Variants in FAAP20 observed in about 807,000 individuals in gnomAD.
FAAP20 encodes Fanconi anemia core complex-associated protein 20.
Under a neutral mutation model 16.2 loss-of-function variants are expected in FAAP20, and 12 were observed. The observed-to-expected ratio is 0.74, with a 90% CI of 0.48 to 1.20. The LOEUF is 1.20. Ranked by LOEUF, FAAP20 falls within the 50% of genes most tolerant of loss-of-function variation. The pLI is 0.00. For synonymous variants in FAAP20, 141 were observed against 110.7 expected (o/e 1.27, Z -1.72); for missense variants, 288 against 245.8 (o/e 1.17, Z -1.15).
chr1:2,195,508 CA>C (rs1688775292), upstream of FAAP20, among the ~76,000 whole-genome samples: 1 of 152,272 alleles, frequency 6.6e-6, no homozygotes, highest in South Asian at 2.1e-4. Context: ...AGATCAGGGT[CA>C]GGGGCCCTCG....
At chr1:2,210,165 C>G (rs1188961167), downstream of FAAP20, among the ~76,000 whole-genome samples, 1 of 152,244 alleles carries the variant, frequency 6.6e-6, no homozygotes, top group African/African-American at 2.4e-5. Context: ...GCCTCGTGCC[C>G]AGACCTGCGA....
upstream of FAAP20, chr1:2,200,652 G>A: frequency 3.0e-6 from 3 of 986,444 alleles, 1 homozygote; most frequent in South Asian, 1.4e-4. Flanking sequence ...TTTCACAGCA[G>A]CCCCAGGAGA....
chr1:2,203,708 T>A (rs1689133997), upstream of FAAP20: 4 of 943,320 alleles, frequency 4.2e-6, no homozygotes, highest in Non-Finnish European at 5.1e-6. Flanking sequence ...CCCCTGTTCC[T>A]TGAGCGGTCC....
intron 3 of FAAP20, chr1:2,193,398 T>C: frequency 1.6e-6 from 1 of 615,832 alleles, no homozygotes; most frequent in Non-Finnish European, 2.7e-6. Flanking sequence ...CAGCCTTCCT[T>C]CTGTGCTGTT....
At chr1:2,205,387 CA>C (rs1340384967) in intron 3 of FAAP20, among the ~76,000 whole-genome samples, 1 of 148,568 alleles carries the variant, frequency 6.7e-6, no homozygotes. Flanking sequence ...CAGCCTGGGG[CA>C]GCCGTCCCCG....
chr1:2,190,591 T>C (rs1384424264), intron 3 of FAAP20: 4 of 363,550 alleles, frequency 1.1e-5, no homozygotes, highest in East Asian at 7.4e-5. Context: ...CTTCCGGCCA[T>C]GACTCCCGGA....
chr1:2,199,064 T>C (rs1289021681), upstream of FAAP20: 5 of 1,225,158 alleles, frequency 4.1e-6, no homozygotes, highest in East Asian at 2.3e-4. The surrounding 1 kb of genome is among the most constrained non-coding windows in gnomAD (Gnocchi z 4.5). Flanking sequence ...GGCGGGGTCA[T>C]GGCACAGGCC....
chr1:2,190,210 G>A (rs777164744), intron 3 of FAAP20: 1 of 462,576 alleles, frequency 2.2e-6, no homozygotes. Flanking sequence ...TGGCTGGGCA[G>A]TGGATGTGCA....
At chr1:2,192,960 C>T (rs770133643) in intron 3 of FAAP20, 50 of 1,303,904 alleles carry the variant, frequency 3.8e-5, no homozygotes, top group Middle Eastern at 2.1e-4. Context: ...TTCGCATTCC[C>T]GAGCTGTTTT....
chr1:2,203,522 CAG>C (rs1264672134), upstream of FAAP20: 20 of 985,698 alleles, frequency 2.0e-5, no homozygotes, highest in Non-Finnish European at 2.3e-5. Context: ...GTGCACCTGA[CAG>C]GGAAGGTAGG....
downstream of FAAP20, among the ~76,000 whole-genome samples, chr1:2,208,597 C>G (rs1434693787): frequency 2.6e-5 from 4 of 152,162 alleles, no homozygotes; most frequent in African/African-American, 9.7e-5. Context: ...GCCCCAGCAC[C>G]CTGAGCCCAT....
chr1:2,189,020 A>AG (rs1553182613), downstream of FAAP20, among the ~76,000 whole-genome samples: 1 of 145,350 alleles, frequency 6.9e-6, no homozygotes, highest in Non-Finnish European at 1.5e-5. Context: ...AGAAAAAAAA[A>AG]AAAAAAAACA....
chr1:2,192,253 T>A, intron 3 of FAAP20: 1 of 986,306 alleles, frequency 1.0e-6, no homozygotes, highest in Non-Finnish European at 1.2e-6. Context: ...AGCCTGCCCA[T>A]GCGGTGGCCA....
upstream of FAAP20, chr1:2,199,120 G>T: frequency 3.4e-6 from 4 of 1,186,230 alleles, no homozygotes; most frequent in East Asian, 6.0e-5. This position sits in a 1 kb window ranked among gnomAD's most constrained non-coding sequence, Gnocchi z 4.5. Flanking sequence ...GCTGGGGAGG[G>T]CCCTGGCCCG....
chr1:2,202,402 A>C (rs1689085446), upstream of FAAP20, among the ~76,000 whole-genome samples: 1 of 152,090 alleles, frequency 6.6e-6, no homozygotes, highest in African/African-American at 2.4e-5. Flanking sequence ...GCAGTGGCGA[A>C]ATCTCGATTC....
chr1:2,204,580 A>G (rs939416694), upstream of FAAP20, among the ~76,000 whole-genome samples: 3 of 152,136 alleles, frequency 2.0e-5, no homozygotes, highest in Admixed American at 2.0e-4. Context: ...GCCTGCTCTG[A>G]GGGCCCCGCC....
chr1:2,212,433 A>G (rs1638229105), exon 2 of FAAP20: 1 of 153,980 alleles, frequency 6.5e-6, no homozygotes, highest in South Asian at 2.0e-4. Context: ...GGAGAGGCGC[A>G]GCCGTGGCCC....
intron 3 of FAAP20, chr1:2,192,531 C>T (rs942573808): frequency 5.3e-5 from 53 of 1,004,186 alleles, no homozygotes; most frequent in East Asian, 9.9e-5. Context: ...AGCCCCTCCC[C>T]GGGGGGCGGG....
chr1:2,205,696 C>A (rs1225696028), intron 3 of FAAP20, among the ~76,000 whole-genome samples: 1 of 152,232 alleles, frequency 6.6e-6, no homozygotes, highest in Admixed American at 6.5e-5. Flanking sequence ...ACGGTCCGGG[C>A]CGGGCGTTCT....
Sources: gnomAD v4.1 joint callset for allele counts (sites outside exome capture counted in the v4.1 genomes callset) on GRCh38, gnomAD v4.1.1 for gene constraint, Gnocchi (gnomAD v3.1) non-coding constraint, MANE v1.5 for transcripts, NCBI Gene and HGNC (gene_info 2026-07-23, HGNC 2026-07-21) for gene names.